Variants in ATRNL1 observed in about 807,000 individuals in gnomAD.
ATRNL1 encodes attractin like 1.
A neutral mutation model predicts 182.7 loss-of-function variants in ATRNL1; 95 were observed. That is an observed-to-expected ratio of 0.52 (90% CI 0.44 to 0.62). The LOEUF (loss-of-function observed/expected upper bound fraction) is 0.62, where lower values mean the gene tolerates loss of function less well. Ranked by LOEUF, ATRNL1 falls within the 20% of genes least tolerant of loss-of-function variation. The pLI is 0.00. For missense variants in ATRNL1, 1,471 were observed against 1,679.5 expected, an observed-to-expected ratio of 0.88 and a Z score of 2.17; for synonymous variants, 576 against 568.3, an observed-to-expected ratio of 1.01 and a Z score of -0.19.
intron 8 of ATRNL1, among the ~76,000 whole-genome samples, chr10:115,196,017 T>C (rs1269835932): frequency 6.6e-6 from 1 of 152,064 alleles, no homozygotes; most frequent in Admixed American, 6.6e-5. Flanking sequence ...AAAAATAGGC[T>C]GCGTCCAGTG....
intron 28 of ATRNL1, among the ~76,000 whole-genome samples, chr10:115,894,517 T>C (rs782654005): frequency 4.6e-5 from 7 of 152,220 alleles, no homozygotes; most frequent in African/African-American, 9.6e-5. Context: ...GCTGGAGTTA[T>C]AAATGTGCTG....
At chr10:115,692,255 A>G (rs1200410569) in intron 26 of ATRNL1, among the ~76,000 whole-genome samples, 8 of 152,218 alleles carry the variant, frequency 5.3e-5, no homozygotes, top group Middle Eastern at 3.2e-3. Context: ...TAGGTGCCTG[A>G]TGGGACCCTA....
chr10:115,915,783 G>A (rs1952831471), intron 28 of ATRNL1, among the ~76,000 whole-genome samples: 1 of 152,190 alleles, frequency 6.6e-6, no homozygotes, highest in African/African-American at 2.4e-5. Flanking sequence ...TAATGTCTAA[G>A]AATATGCATG....
At chr10:115,723,135 C>T (rs1158640630) in intron 26 of ATRNL1, among the ~76,000 whole-genome samples, 1 of 152,014 alleles carries the variant, frequency 6.6e-6, no homozygotes, top group Non-Finnish European at 1.5e-5. Flanking sequence ...AGCATGGAGA[C>T]ATAAAGAGAT....
At chr10:115,906,588 C>G (rs1470697134) in intron 28 of ATRNL1, among the ~76,000 whole-genome samples, 2 of 152,084 alleles carry the variant, frequency 1.3e-5, no homozygotes, top group Non-Finnish European at 2.9e-5. Flanking sequence ...TTTCATTTTT[C>G]AATATTTGAA....
At chr10:115,432,097 G>A (rs1554964098) in intron 21 of ATRNL1, among the ~76,000 whole-genome samples, 1 of 151,998 alleles carries the variant, frequency 6.6e-6, no homozygotes, top group African/African-American at 2.4e-5. Flanking sequence ...AAGAAAATGA[G>A]TAAAATTAAT....
intron 27 of ATRNL1, among the ~76,000 whole-genome samples, chr10:115,817,475 T>G (rs1950191190): frequency 6.6e-6 from 1 of 152,042 alleles, no homozygotes; most frequent in Non-Finnish European, 1.5e-5. Flanking sequence ...CAAAAATGAA[T>G]GAGACACAGC....
intron 20 of ATRNL1, among the ~76,000 whole-genome samples, chr10:115,414,210 C>T (rs1307907517): frequency 6.6e-6 from 1 of 152,026 alleles, no homozygotes; most frequent in East Asian, 1.9e-4. Flanking sequence ...ATAAAAGATT[C>T]TGGAATCTGA....
chr10:115,706,730 T>C (rs1946911530), intron 26 of ATRNL1, among the ~76,000 whole-genome samples: 1 of 152,032 alleles, frequency 6.6e-6, no homozygotes, highest in South Asian at 2.1e-4. Flanking sequence ...TTTGACAGCC[T>C]GAGTAGTTAA....
intron 20 of ATRNL1, among the ~76,000 whole-genome samples, chr10:115,413,036 A>T (rs782663204): frequency 6.6e-6 from 1 of 152,212 alleles, no homozygotes; most frequent in Non-Finnish European, 1.5e-5. Context: ...GGATATGCCA[A>T]ACATTTTAAT....
At chr10:115,287,633 T>A (rs1221221877) in intron 15 of ATRNL1, among the ~76,000 whole-genome samples, 1 of 152,126 alleles carries the variant, frequency 6.6e-6, no homozygotes, top group African/African-American at 2.4e-5. Context: ...TTAATACATA[T>A]AATGTATAGT....
chr10:115,153,905 T>G (rs1846371383), intron 5 of ATRNL1, among the ~76,000 whole-genome samples: 1 of 151,200 alleles, frequency 6.6e-6, no homozygotes, highest in Admixed American at 6.6e-5. Flanking sequence ...TCCCAGAGAT[T>G]GTGTGTCTTT....
chr10:115,102,770 CTTTATT>C (rs1314903435), intron 1 of ATRNL1, among the ~76,000 whole-genome samples: 2 of 152,100 alleles, frequency 1.3e-5, no homozygotes, highest in African/African-American at 4.8e-5. Flanking sequence ...ATTCCCCCAA[CTTTATT>C]TTTATTTTTG....
intron 20 of ATRNL1, among the ~76,000 whole-genome samples, chr10:115,414,054 G>A (rs2901048): frequency 0.24 from 35,730 of 151,714 alleles, 5,245 homozygotes; most frequent in Non-Finnish European, 0.34. Context: ...TACCTTCTCC[G>A]GCTCAGTATT....
At chr10:115,288,591 G>A (rs1161399111) in intron 15 of ATRNL1, among the ~76,000 whole-genome samples, 5 of 151,032 alleles carry the variant, frequency 3.3e-5, no homozygotes, top group African/African-American at 4.9e-5. Flanking sequence ...GCATGATCTC[G>A]GCTCACTGCA....
At chr10:115,094,222 C>T (rs1198927191) in intron 1 of ATRNL1, among the ~76,000 whole-genome samples, 179 bp downstream of exon 1, 1 of 151,604 alleles carries the variant, frequency 6.6e-6, no homozygotes, top group Non-Finnish European at 1.5e-5. Flanking sequence ...CCCCTCCAGC[C>T]CCGGGGCGCC....
intron 20 of ATRNL1, among the ~76,000 whole-genome samples, chr10:115,397,338 A>G (rs1844338639): frequency 6.6e-6 from 1 of 151,958 alleles, no homozygotes; most frequent in African/African-American, 2.4e-5. Context: ...TCCACTTCTT[A>G]GGATAATTTC....
intron 5 of ATRNL1, among the ~76,000 whole-genome samples, chr10:115,153,853 T>C (rs576031240): frequency 6.6e-6 from 1 of 152,294 alleles, no homozygotes; most frequent in South Asian, 2.1e-4. Context: ...GTTGTGGGCA[T>C]TTAGTGCTAT....
intron 18 of ATRNL1, among the ~76,000 whole-genome samples, chr10:115,329,196 T>C (rs11197166): frequency 0.088 from 13,336 of 152,074 alleles, 1,894 homozygotes; most frequent in African/African-American, 0.3. Context: ...TCTATTTGTA[T>C]AGTGTTTGAA....
Sources: gnomAD v4.1 joint callset for allele counts (sites outside exome capture counted in the v4.1 genomes callset) on GRCh38, gnomAD v4.1.1 for gene constraint, MANE v1.5 for transcripts, NCBI Gene and HGNC (gene_info 2026-07-23, HGNC 2026-07-21) for gene names.